The following FRAS1 variants were observed in gnomAD, a reference collection of about 807,000 sequenced individuals.
FRAS1 encodes Fraser extracellular matrix complex subunit 1.
A neutral mutation model predicts 435.2 loss-of-function variants in FRAS1; 290 were observed. The observed-to-expected ratio is 0.67, with a 90% CI of 0.61 to 0.73. FRAS1 has a LOEUF of 0.73. Ranked by LOEUF, FRAS1 falls within the 30% of genes least tolerant of loss-of-function variation. The pLI is 0.00. For missense variants in FRAS1, 4,860 were observed against 5,001.5 expected (o/e 0.97, Z 0.85); for synonymous variants, 1,800 against 1,851.0 (o/e 0.97, Z 0.71).
intron 15 of FRAS1, among the ~76,000 whole-genome samples, chr4:78,311,603 G>T (rs1012917295): frequency 5.3e-5 from 8 of 152,188 alleles, no homozygotes; most frequent in Admixed American, 1.3e-4. Context: ...AGAATGGCTG[G>T]TTTTTTGACT....
At chr4:78,173,656 T>C (rs1490507329) in intron 2 of FRAS1, among the ~76,000 whole-genome samples, 1 of 152,232 alleles carries the variant, frequency 6.6e-6, no homozygotes, top group Non-Finnish European at 1.5e-5. Context: ...ACTTGAGTGC[T>C]TCACTCATTC....
At chr4:78,454,987 G>A (rs1056725734) in intron 47 of FRAS1, among the ~76,000 whole-genome samples, 16 of 152,186 alleles carry the variant, frequency 1.1e-4, no homozygotes, top group South Asian at 4.1e-4. Context: ...TCCTTCAGGT[G>A]CCCTTTTCCA....
At chr4:78,483,856 A>C (rs1406412379) in intron 58 of FRAS1, among the ~76,000 whole-genome samples, 1 of 148,722 alleles carries the variant, frequency 6.7e-6, no homozygotes, top group Non-Finnish European at 1.5e-5. Flanking sequence ...ACATACTTGC[A>C]TGCATCCAAA....
At chr4:78,532,296 C>G (rs1721740057) in intron 70 of FRAS1, among the ~76,000 whole-genome samples, 1 of 152,208 alleles carries the variant, frequency 6.6e-6, no homozygotes, top group Non-Finnish European at 1.5e-5. Flanking sequence ...GGCTTCCTCT[C>G]CACATAGCCG....
intron 33 of FRAS1, among the ~76,000 whole-genome samples, chr4:78,421,171 G>C (rs142862380): frequency 1.1e-3 from 172 of 151,964 alleles, no homozygotes; most frequent in African/African-American, 4.0e-3. Flanking sequence ...TTTTGAGATG[G>C]AGTTTCGCTC....
chr4:78,428,118 G>T (rs1734063714), intron 35 of FRAS1, among the ~76,000 whole-genome samples: 2 of 152,196 alleles, frequency 1.3e-5, no homozygotes. Context: ...TAAGCATCAA[G>T]GGTGAGGCAA....
chr4:78,086,357 T>G (rs1462606053), intron 2 of FRAS1, among the ~76,000 whole-genome samples: 1 of 151,982 alleles, frequency 6.6e-6, no homozygotes, highest in South Asian at 2.1e-4. Flanking sequence ...AACATCACAA[T>G]TAAAGGAACT....
At chr4:78,106,269 C>T (rs1742431797) in intron 2 of FRAS1, among the ~76,000 whole-genome samples, 2 of 85,576 alleles carry the variant, frequency 2.3e-5, no homozygotes, top group African/African-American at 9.0e-5. Flanking sequence ...GCCTGCCTGC[C>T]TCTGTAGGCT....
chr4:78,379,834 G>C lies in FRAS1; in HGVS notation c.3401G>C (p.Arg1134Thr), dbSNP rs1420018356. 6.2e-7 allele frequency: 1 copy of C among 1,613,890 alleles called. No homozygotes were observed. The highest frequency in any genetic ancestry group is 8.5e-7 in the Non-Finnish European group (1 of 1,179,832). Reference protein sequence around the residue: ...SLLNVQDQEGRVEDLLFHVVS... With the variant: ...SLLNVQDQEGTVEDLLFHVVS... ...CTGAATGTCCAAGACCAGGAGGGTAGGGTCGAAGATCTCCTATTTCATGTT... is the reference window on the plus strand; with the variant it reads ...CTGAATGTCCAAGACCAGGAGGGTACGGTCGAAGATCTCCTATTTCATGTT... The change falls in exon 27 of 74, where the codon AGG (arginine) becomes ACG (threonine). Residue 1134 changes from arginine (R) to threonine (T), a missense_variant. Physicochemically the swap from Arg to Thr is moderately conservative, Grantham distance 71 (BLOSUM62 -1). Transcript: ENST00000512123.
intron 20 of FRAS1, among the ~76,000 whole-genome samples, chr4:78,356,553 C>T (rs1018798188): frequency 6.6e-6 from 1 of 152,154 alleles, no homozygotes; most frequent in Non-Finnish European, 1.5e-5. Flanking sequence ...CATGTATTTG[C>T]ATCATAATAT....
At chr4:78,539,541 A>G in intron 73 of FRAS1, 101 bp downstream of exon 73, 1 of 1,120,338 alleles carries the variant, frequency 8.9e-7, no homozygotes, top group South Asian at 1.5e-5. Flanking sequence ...TGGATTCTTC[A>G]ACATTCTGCC....
At chr4:78,448,411 G>T (rs1718921844) in intron 44 of FRAS1, 95 bp downstream of exon 44, 1 of 1,223,146 alleles carries the variant, frequency 8.2e-7, no homozygotes, top group South Asian at 1.7e-5. Context: ...AGTGATGTGG[G>T]TGCATCTTAA....
intron 2 of FRAS1, among the ~76,000 whole-genome samples, chr4:78,171,321 A>C (rs1286071655): frequency 6.6e-6 from 1 of 152,124 alleles, no homozygotes; most frequent in East Asian, 1.9e-4. Flanking sequence ...GCCAGAATGG[A>C]GATTTGAACC....
At chr4:78,518,422 G>GTATATATATATATATATATA (rs71216219) in intron 66 of FRAS1, among the ~76,000 whole-genome samples, 8 of 135,722 alleles carry the variant, frequency 5.9e-5, no homozygotes, top group African/African-American at 2.4e-4. Flanking sequence ...TTTTTGTTGT[G>GTATATATATATATATATATA]TATATATATA....
In FRAS1 at chr4:78,499,708, C is replaced by A; in HGVS notation, c.9116-13C>A. The A allele has an allele frequency of 6.2e-7, 1 of 1,611,630 alleles. No homozygotes were observed. Among genetic ancestry groups the A allele is most frequent in the Non-Finnish European group, 8.5e-7 (1 of 1,178,512 alleles). The stretch of plus-strand genomic sequence containing the variant: ...TCTAACTGGCTCTTGTTTTCCTAAC[C>A]ATATTTCCTTAGCCCCCACCATTGA... On this transcript the variant is annotated splice_polypyrimidine_tract_variant and intron_variant, in intron 60 of 73. Coordinates refer to ENST00000512123, the MANE Select transcript of FRAS1 (RefSeq NM_025074.7).
chr4:78,483,799 A>ATATATATATATATACATACATATATAT (rs1560753038), intron 58 of FRAS1, among the ~76,000 whole-genome samples: 8 of 67,464 alleles, frequency 1.2e-4, no homozygotes, highest in African/African-American at 3.3e-4. Flanking sequence ...TATATATATA[A>ATATATATATATATACATACATATATAT]AATTATGTAT....
Position 78,065,025 on chromosome 4 carries a change from AT to A in FRAS1, c.77-952del, listed in dbSNP as rs544472403. 6.8e-3 allele frequency among the ~76,000 whole-genome samples: 978 copies of A among 144,886 alleles called. 12 individuals carry two copies. Among genetic ancestry groups the A allele is most frequent in the African/African-American group, 0.024 (932 of 39,240 alleles). ...AAAAATTGGTTGGGAATGTGTCTAT[AT>A]TTTTTTTAAGTTAAGATTTCAGTTT... is the stretch of plus-strand genomic sequence containing the variant. On this transcript the variant is annotated intron_variant, in intron 1 of 73. Coordinates refer to ENST00000512123, the MANE Select transcript of FRAS1 (RefSeq NM_025074.7).
intron 14 of FRAS1, among the ~76,000 whole-genome samples, chr4:78,305,817 A>G (rs1007338226): frequency 3.3e-5 from 5 of 151,608 alleles, no homozygotes; most frequent in South Asian, 2.1e-4. Context: ...TCTTTATCCA[A>G]TTTGCCAGTC....
chr4:78,078,193 T>C (rs1379929084), intron 2 of FRAS1, among the ~76,000 whole-genome samples: 4 of 152,192 alleles, frequency 2.6e-5, no homozygotes. Flanking sequence ...TCCTGTTTAT[T>C]GGTATTCATA....
Sources: gnomAD v4.1 joint callset for allele counts (sites outside exome capture counted in the v4.1 genomes callset) on GRCh38, gnomAD v4.1.1 for gene constraint, MANE v1.5 for transcripts, NCBI Gene and HGNC (gene_info 2026-07-23, HGNC 2026-07-21) for gene names.